RECQL: variants seen among roughly 807,000 people sequenced by gnomAD.
RECQL encodes the protein ATP-dependent DNA helicase Q1.
In RECQL, 73 loss-of-function variants were observed where a neutral mutation model predicts 75.8. The ratio of observed to expected loss-of-function variants is 0.96; its 90% confidence interval spans 0.80 to 1.17. RECQL has a LOEUF of 1.17. Ranked by LOEUF, RECQL falls within the 50% of genes most tolerant of loss-of-function variation. RECQL has a pLI of 0.00. For missense variants in RECQL, 699 were observed against 772.1 expected (o/e 0.91, Z 1.12); for synonymous variants, 248 against 254.4 (o/e 0.97, Z 0.24).
intron 2 of RECQL, 143 bp downstream of exon 2, chr12:21,499,412 A>C (rs1356357415): frequency 1.4e-6 from 1 of 712,018 alleles, no homozygotes; most frequent in Non-Finnish European, 2.3e-6. Context: ...AGCATGGCAA[A>C]GTTTGTAATG....
At chr12:21,483,637 G>C (rs1943235443) in intron 5 of RECQL, 63 bp from the exon 6 acceptor site, 1 of 1,195,712 alleles carries the variant, frequency 8.4e-7, no homozygotes, top group South Asian at 1.4e-5. Context: ...GAAATACTAG[G>C]TGGTAAATGA....
intron 10 of RECQL, 21 bp downstream of exon 10, chr12:21,475,447 C>G (rs201335824): frequency 3.1e-5 from 46 of 1,475,970 alleles, no homozygotes; most frequent in Non-Finnish European, 4.2e-5. Context: ...AAATTTACTT[C>G]TGGATTTGAG....
chr12:21,495,804 A>C (rs1943497023), intron 2 of RECQL, among the ~76,000 whole-genome samples: 1 of 152,154 alleles, frequency 6.6e-6, no homozygotes, highest in South Asian at 2.1e-4. Context: ...GTATTTAAGA[A>C]AGTCAGTGTA....
Position 21,468,964 on chromosome 12 carries a change from C to A in RECQL, c.*1230G>T. The A allele has an allele frequency of 9.1e-6, 4 of 441,500 alleles. No individual in the cohort carries two copies. The highest frequency in any genetic ancestry group is 8.5e-5 in the South Asian group (3 of 35,348). 27.3% of individuals were successfully genotyped at this position (441,500 alleles called of 1,614,324 possible). Reference sequence around the variant, plus strand: ...ATAGATATATCTTTCCAATACAACACTGACCGCTTAGATAAAAATCTTAAG... The same window carrying A: ...ATAGATATATCTTTCCAATACAACAATGACCGCTTAGATAAAAATCTTAAG... On this transcript the variant is annotated 3_prime_UTR_variant, in exon 15 of 15. Coordinates refer to ENST00000444129, the MANE Select transcript of RECQL (RefSeq NM_002907.4).
rs148073000 is a variant in RECQL at position 21,469,812 on chromosome 12, C to T, written c.*382G>A. The T allele has an allele frequency of 5.2e-3, 857 of 164,602 alleles. 7 individuals carry two copies. The highest frequency in any genetic ancestry group is 0.016 in the African/African-American group (650 of 41,396). 10.2% of individuals were successfully genotyped at this position (164,602 alleles called of 1,614,324 possible). On this transcript the variant is annotated 3_prime_UTR_variant, in exon 15 of 15. Transcript: ENST00000444129. ...GGACATCCTTGATCTACATATTTAACTTAAAGTATCACTCAGTGAGCCTCT... is the reference window on the plus strand; with the variant it reads ...GGACATCCTTGATCTACATATTTAATTTAAAGTATCACTCAGTGAGCCTCT...
chr12:21,474,198 A>G (rs1439309390), intron 11 of RECQL, among the ~76,000 whole-genome samples: 1 of 152,076 alleles, frequency 6.6e-6, no homozygotes, highest in Non-Finnish European at 1.5e-5. Flanking sequence ...ATGCTTCATG[A>G]GACTCTACTG....
rs201250758 is a variant in RECQL, at chr12:21,484,758, T to TAC, written c.502-1185_502-1184insGT. ...AGCATTACATATATACATATTGATATATATATATATATGATTCCAAAGGTG... is the reference window on the plus strand; with the variant it reads ...AGCATTACATATATACATATTGATATACATATATATATATGATTCCAAAGGTG... On this transcript the variant is annotated intron_variant, in intron 5 of 14. Coordinates refer to ENST00000444129, the MANE Select transcript of RECQL (RefSeq NM_002907.4). Among the ~76,000 whole-genome samples the TAC allele has an allele frequency of 5.5e-4, 84 of 151,814 alleles. 1 individual carries two copies. In the East Asian group the frequency reaches 0.011, roughly 19 times the overall value.
chr12:21,475,301 A>G (rs569977751), intron 10 of RECQL, among the ~76,000 whole-genome samples, 167 bp downstream of exon 10: 7 of 152,196 alleles, frequency 4.6e-5, no homozygotes, highest in East Asian at 1.9e-4. Context: ...ATAACAGAAC[A>G]TAAGTAAAAA....
intron 4 of RECQL, 71 bp from the exon 5 acceptor site, chr12:21,486,656 CGTTTT>C (rs1943307224): frequency 0.021 from 3,297 of 158,742 alleles, 120 homozygotes; most frequent in South Asian, 0.034. Flanking sequence ...AAACCATTCA[CGTTTT>C]TTTTTTTTTT....
chr12:21,489,323 A>G (rs2137400329), intron 4 of RECQL, among the ~76,000 whole-genome samples: 1 of 152,314 alleles, frequency 6.6e-6, no homozygotes. Flanking sequence ...ATGGACCACA[A>G]GCCTATATTA....
At chr12:21,479,503 C>T (rs1832083715) in intron 6 of RECQL, among the ~76,000 whole-genome samples, 1 of 151,966 alleles carries the variant, frequency 6.6e-6, no homozygotes, top group South Asian at 2.1e-4. Context: ...CAGGCATACA[C>T]CGCCACACCT....
Position 21,477,989 on chromosome 12 carries a change from G to T in RECQL, c.701-20C>A. The T allele has an allele frequency of 1.3e-6, 2 of 1,583,056 alleles. No individual in the cohort carries two copies. The highest frequency in any genetic ancestry group is 1.7e-6 in the Non-Finnish European group (2 of 1,166,900). ...TATAATCTGAAAAAACAAACAAAGT[G>T]GCCCTTTTTCTATCCTTTAAGAGTT... On this transcript the variant is annotated intron_variant, in intron 6 of 14. Coordinates refer to ENST00000444129, the MANE Select transcript of RECQL (RefSeq NM_002907.4).
chr12:21,481,654 A>G (rs1943194071), intron 6 of RECQL, among the ~76,000 whole-genome samples: 1 of 152,232 alleles, frequency 6.6e-6, no homozygotes, highest in Admixed American at 6.5e-5. Flanking sequence ...AACAATGCCC[A>G]TAATAATTCT....
At chr12:21,493,325 A>G (rs1591991470) in intron 2 of RECQL, among the ~76,000 whole-genome samples, 1 of 152,328 alleles carries the variant, frequency 6.6e-6, no homozygotes, top group East Asian at 1.9e-4. Flanking sequence ...AGAGAAGGCA[A>G]GGCTGTGGGT....
intron 11 of RECQL, 108 bp downstream of exon 11, chr12:21,474,733 C>A: frequency 1.9e-6 from 2 of 1,037,056 alleles, no homozygotes; most frequent in South Asian, 1.5e-5. Context: ...TTTTATGGAT[C>A]TGCACTTTGG....
intron 8 of RECQL, among the ~76,000 whole-genome samples, chr12:21,476,244 T>G (rs1476512122): frequency 6.6e-6 from 1 of 152,020 alleles, no homozygotes. Context: ...TCTCTCTTTA[T>G]TTTCAGGGAT....
At chr12:21,497,831 G>T (rs1943536903) in intron 2 of RECQL, among the ~76,000 whole-genome samples, 1 of 152,168 alleles carries the variant, frequency 6.6e-6, no homozygotes, top group Non-Finnish European at 1.5e-5. Context: ...AGAGCTAAGT[G>T]CTCAACCTGC....
At chr12:21,500,931 G>A (rs1342099593) in intron 1 of RECQL, among the ~76,000 whole-genome samples, 1 of 152,110 alleles carries the variant, frequency 6.6e-6, no homozygotes, top group African/African-American at 2.4e-5. Flanking sequence ...AATGTATCCA[G>A]AAATTGAACT....
intron 6 of RECQL, among the ~76,000 whole-genome samples, chr12:21,481,994 G>C (rs531560055): frequency 6.7e-6 from 1 of 149,850 alleles, no homozygotes; most frequent in South Asian, 2.1e-4. Flanking sequence ...GGTGGCAGAA[G>C]CATGATTCAA....
Sources: gnomAD v4.1 joint callset for allele counts (sites outside exome capture counted in the v4.1 genomes callset) on GRCh38, gnomAD v4.1.1 for gene constraint, MANE v1.5 for transcripts, NCBI Gene and HGNC (gene_info 2026-07-23, HGNC 2026-07-21) for gene names.